Variants in MYOM1 observed in about 807,000 individuals in gnomAD.
The protein encoded by MYOM1 is myomesin-1.
In MYOM1, 164 loss-of-function variants were observed where a neutral mutation model predicts 205.3. The observed-to-expected ratio is 0.80, with a 90% CI of 0.70 to 0.91. MYOM1 has a LOEUF of 0.91. MYOM1 is among the 40% of genes least tolerant of loss of function. The probability of loss-of-function intolerance (pLI) is 0.00; values close to 1 mark genes in which losing one functional copy is unlikely to be tolerated. For missense variants in MYOM1, 2,011 were observed against 2,127.3 expected (o/e 0.95, Z 1.08); for synonymous variants, 772 against 789.4 (o/e 0.98, Z 0.37).
chr18:3,197,265 T>C (rs1294057990), intron 2 of MYOM1, among the ~76,000 whole-genome samples: 1 of 151,602 alleles, frequency 6.6e-6, no homozygotes, highest in Non-Finnish European at 1.5e-5. Flanking sequence ...GCCTCCTGAA[T>C]AGCTGGGATT....
At chr18:3,118,769 A>T (rs754337221) in intron 20 of MYOM1, among the ~76,000 whole-genome samples, 12 of 152,226 alleles carry the variant, frequency 7.9e-5, no homozygotes, top group Non-Finnish European at 1.8e-4. Context: ...GGTGGCAGAA[A>T]GGACTTAAGA....
intron 23 of MYOM1, among the ~76,000 whole-genome samples, chr18:3,101,887 T>C (rs899515828): frequency 1.2e-4 from 18 of 152,052 alleles, no homozygotes; most frequent in Non-Finnish European, 1.3e-4. Flanking sequence ...GGACTCACTA[T>C]GTTGCCCAGG....
chr18:3,146,899 T>C (rs1332711385), intron 13 of MYOM1, among the ~76,000 whole-genome samples: 1 of 151,592 alleles, frequency 6.6e-6, no homozygotes, highest in Non-Finnish European at 1.5e-5. Context: ...CTAATGTTTG[T>C]GAGAATTAAT....
At chr18:3,241,361 T>C in the MYOM1 span, among the ~76,000 whole-genome samples, 1 of 152,214 alleles carries the variant, frequency 6.6e-6, no homozygotes, top group Non-Finnish European at 1.5e-5. Context: ...GCATCCCAGC[T>C]GCTCCAGCCA....
intron 5 of MYOM1, among the ~76,000 whole-genome samples, chr18:3,183,330 A>T (rs2080766134): frequency 6.6e-6 from 1 of 152,174 alleles, no homozygotes; most frequent in Non-Finnish European, 1.5e-5. Context: ...TCTGCACCTG[A>T]CTTTAATGAG....
At chr18:3,163,353 A>C (rs1351716784) in intron 10 of MYOM1, among the ~76,000 whole-genome samples, 2 of 152,190 alleles carry the variant, frequency 1.3e-5, no homozygotes, top group Non-Finnish European at 2.9e-5. Flanking sequence ...CTCCCTGAAG[A>C]CGAAGAAAGT....
intron 8 of MYOM1, among the ~76,000 whole-genome samples, chr18:3,172,023 C>T (rs1178100297): frequency 7.9e-5 from 12 of 152,138 alleles, no homozygotes; most frequent in Non-Finnish European, 1.8e-4. Context: ...ATTGGCATAG[C>T]GCAGATAGAA....
At chr18:3,231,557 T>A in the MYOM1 span, among the ~76,000 whole-genome samples, 3 of 144,594 alleles carry the variant, frequency 2.1e-5, no homozygotes, top group Non-Finnish European at 3.0e-5. Context: ...TTTTTTTTTT[T>A]AGACGGAATT....
intron 14 of MYOM1, among the ~76,000 whole-genome samples, chr18:3,136,426 T>A (rs2079966609): frequency 6.6e-6 from 1 of 152,000 alleles, no homozygotes; most frequent in Admixed American, 6.6e-5. Flanking sequence ...AAATTAAATT[T>A]TATTTTATTT....
intron 2 of MYOM1, among the ~76,000 whole-genome samples, chr18:3,201,327 A>T (rs1163505850): frequency 6.6e-6 from 1 of 151,958 alleles, no homozygotes; most frequent in Admixed American, 6.5e-5. Flanking sequence ...TGAACCTGGG[A>T]GGCAGAGCTT....
intron 12 of MYOM1, among the ~76,000 whole-genome samples, chr18:3,150,103 A>G (rs1442160646): frequency 6.6e-6 from 1 of 152,126 alleles, no homozygotes; most frequent in Non-Finnish European, 1.5e-5. Context: ...TCTGTCGCCT[A>G]GGCTGGAGTG....
intron 2 of MYOM1, among the ~76,000 whole-genome samples, chr18:3,213,514 A>T (rs1015295826): frequency 5.9e-5 from 9 of 152,214 alleles, no homozygotes; most frequent in Non-Finnish European, 1.0e-4. Context: ...ATATGAAGAA[A>T]ATAAAACTTG....
intron 30 of MYOM1, among the ~76,000 whole-genome samples, chr18:3,085,504 C>T (rs963431541): frequency 6.6e-6 from 1 of 152,092 alleles, no homozygotes; most frequent in Non-Finnish European, 1.5e-5. Flanking sequence ...GAACCGTTCA[C>T]AGATGCAGAG....
rs112625819 is a variant in MYOM1, at chr18:3,094,169, C to T, written c.3864+1G>A. On this transcript the variant is annotated splice_donor_variant, in intron 26 of 37. Coordinates refer to ENST00000356443, the MANE Select transcript of MYOM1 (RefSeq NM_003803.4). LOFTEE classifies it high-confidence loss of function. Reference sequence around the variant, plus strand: ...AAAAGTCTAAACAGTGTAAAACCTACCGGGCCTTCAAAAATTTCCTTCTCG... The same window carrying T: ...AAAAGTCTAAACAGTGTAAAACCTATCGGGCCTTCAAAAATTTCCTTCTCG... 1 of 1,613,828 alleles carries T rather than the reference C, an allele frequency of 6.2e-7. No individual in the cohort carries two copies. The highest frequency in any genetic ancestry group is 8.5e-7 in the Non-Finnish European group (1 of 1,179,784).
chr18:3,088,758 C>T (rs1225588456), intron 29 of MYOM1, among the ~76,000 whole-genome samples: 1 of 152,162 alleles, frequency 6.6e-6, no homozygotes, highest in Non-Finnish European at 1.5e-5. Flanking sequence ...GAGTCAGTGG[C>T]ACAGCTGGGG....
chr18:3,097,493 G>A (rs890268086), intron 25 of MYOM1, among the ~76,000 whole-genome samples: 1 of 152,020 alleles, frequency 6.6e-6, no homozygotes, highest in African/African-American at 2.4e-5. Flanking sequence ...GCATGATCAC[G>A]GCTCACTGCA....
chr18:3,181,489 T>C (rs972807883), intron 5 of MYOM1, among the ~76,000 whole-genome samples: 1 of 152,234 alleles, frequency 6.6e-6, no homozygotes, highest in African/African-American at 2.4e-5. Flanking sequence ...GTTTTTTCTA[T>C]GATAATATGG....
At chr18:3,229,920 G>A in the MYOM1 span, among the ~76,000 whole-genome samples, 2 of 137,488 alleles carry the variant, frequency 1.5e-5, no homozygotes, top group South Asian at 4.6e-4. Context: ...AGGTTGCAGT[G>A]AGCCGAGATT....
chr18:3,116,216 G>A (rs2079602696), intron 21 of MYOM1, 115 bp downstream of exon 21: 1 of 1,094,992 alleles, frequency 9.1e-7, no homozygotes, highest in Non-Finnish European at 1.3e-6. Context: ...CTTACCAGGA[G>A]CCCAATATAT....
Sources: gnomAD v4.1 joint callset for allele counts (sites outside exome capture counted in the v4.1 genomes callset) on GRCh38, gnomAD v4.1.1 for gene constraint, MANE v1.5 for transcripts, NCBI Gene and HGNC (gene_info 2026-07-23, HGNC 2026-07-21) for gene names.